The following KLF8 variants were observed in gnomAD, a reference collection of about 807,000 sequenced individuals.
KLF8 encodes the protein KLF transcription factor 8.
A neutral mutation model predicts 18.2 loss-of-function variants in KLF8; 10 were observed. That is an observed-to-expected ratio of 0.55 (90% CI 0.34 to 0.93). The LOEUF (loss-of-function observed/expected upper bound fraction) is 0.93, where lower values mean the gene tolerates loss of function less well. KLF8 is among the 40% of genes least tolerant of loss of function. The probability of loss-of-function intolerance (pLI) is 0.02; values close to 1 mark genes in which losing one functional copy is unlikely to be tolerated. For missense variants in KLF8, 264 were observed against 277.9 expected, an observed-to-expected ratio of 0.95 and a Z score of 0.36; for synonymous variants, 109 against 97.3, an observed-to-expected ratio of 1.12 and a Z score of -0.71.
At chrX:56,055,168 T>A in the KLF8 span, among the ~76,000 whole-genome samples, 4 of 112,181 alleles carry the variant, frequency 3.6e-5, no homozygotes, top group Admixed American at 9.5e-5. Flanking sequence ...TGCTTTATAT[T>A]GTTACTGGCC....
the KLF8 span, among the ~76,000 whole-genome samples, chrX:56,053,024 G>C: frequency 8.9e-6 from 1 of 111,786 alleles, no homozygotes; most frequent in African/African-American, 3.2e-5. Context: ...GGAGTGACCC[G>C]ATTTTCCAGG....
the KLF8 span, among the ~76,000 whole-genome samples, chrX:56,148,739 G>T: frequency 1.8e-5 from 2 of 111,406 alleles, no homozygotes; most frequent in Non-Finnish European, 3.8e-5. Context: ...GCAGGGGAAC[G>T]CCCCTTTATA....
the KLF8 span, among the ~76,000 whole-genome samples, chrX:56,186,275 A>C: frequency 9.0e-6 from 1 of 111,585 alleles, no homozygotes; most frequent in African/African-American, 3.3e-5. Flanking sequence ...AAAAGAGACA[A>C]AGAAGGCCAT....
intron 2 of KLF8, among the ~76,000 whole-genome samples, chrX:56,253,835 A>G (rs1461745570): frequency 1.6e-4 from 14 of 90,049 alleles, no homozygotes; most frequent in African/African-American, 5.5e-4. Context: ...ATCTTGGCTC[A>G]TTGCAACCTT....
At chrX:56,153,551 A>T in the KLF8 span, among the ~76,000 whole-genome samples, 3 of 111,324 alleles carry the variant, frequency 2.7e-5, no homozygotes, top group African/African-American at 9.8e-5. Context: ...AGGAGTAGCG[A>T]GAGAGGGCAT....
At chrX:56,187,867 C>T in the KLF8 span, among the ~76,000 whole-genome samples, 31 of 111,632 alleles carry the variant, frequency 2.8e-4, no homozygotes, top group Non-Finnish European at 4.5e-4. Context: ...ATTGACAGGA[C>T]GTATCTCAAA....
the KLF8 span, among the ~76,000 whole-genome samples, chrX:56,108,608 T>A: frequency 1.2e-3 from 138 of 112,130 alleles, no homozygotes; most frequent in African/African-American, 4.2e-3. Context: ...TGCTTAAAGT[T>A]TGATAATGTT....
rs1319202752 is a variant in KLF8 at position 56,253,545 on chromosome X, C to G, written c.81+3241C>G. 2.7e-5 allele frequency among the ~76,000 whole-genome samples: 3 copies of G among 110,071 alleles called. No individual in the cohort carries two copies. The Admixed American group carries it at 2.9e-4, about 11-fold the overall frequency. On this transcript the variant is annotated intron_variant, in intron 2 of 5. Transcript: ENST00000468660. ...AGATGTATGGCTTTATTTCTGGGTT[C>G]TCTATTTTGTTCCATTGCACTGTAT...
chrX:56,000,439 T>G, the KLF8 span, among the ~76,000 whole-genome samples: 1 of 91,957 alleles, frequency 1.1e-5, no homozygotes, highest in Admixed American at 1.3e-4. Context: ...TCTGGTAGAA[T>G]TCAGCTGTGG....
At chrX:56,207,236 T>G in the KLF8 span, among the ~76,000 whole-genome samples, 1 of 112,776 alleles carries the variant, frequency 8.9e-6, no homozygotes, top group African/African-American at 3.2e-5. Context: ...GTATTGGCAA[T>G]TAACATTTGG....
chrX:56,168,483 A>C, the KLF8 span, among the ~76,000 whole-genome samples: 1 of 112,428 alleles, frequency 8.9e-6, no homozygotes, highest in East Asian at 2.8e-4. Context: ...CCTTTTACAC[A>C]TAAACATAAA....
At chrX:56,140,635 A>G in the KLF8 span, among the ~76,000 whole-genome samples, 1 of 110,047 alleles carries the variant, frequency 9.1e-6, no homozygotes, top group Non-Finnish European at 1.9e-5. Flanking sequence ...TGAAGATCGA[A>G]AAACTGCTTA....
At chrX:55,985,139 T>A in the KLF8 span, among the ~76,000 whole-genome samples, 4 of 111,810 alleles carry the variant, frequency 3.6e-5, no homozygotes, top group Non-Finnish European at 7.5e-5. Context: ...TTAGATCTTA[T>A]TCATCAATTT....
At chrX:55,949,768 C>T in the KLF8 span, among the ~76,000 whole-genome samples, 1 of 106,081 alleles carries the variant, frequency 9.4e-6, no homozygotes, top group African/African-American at 3.5e-5. Context: ...TCCAGTCTGG[C>T]GACAGAGCGA....
the KLF8 span, among the ~76,000 whole-genome samples, chrX:56,155,048 G>A: frequency 4.2e-3 from 465 of 111,970 alleles, 4 homozygotes; most frequent in African/African-American, 0.014. Context: ...TCAGTGTGGG[G>A]ATTCCTCAGG....
At chrX:56,009,942 C>A in the KLF8 span, among the ~76,000 whole-genome samples, 11 of 111,899 alleles carry the variant, frequency 9.8e-5, no homozygotes, top group Non-Finnish European at 1.5e-4. Flanking sequence ...ACAAAACTTA[C>A]CAGAACTATT....
the KLF8 span, among the ~76,000 whole-genome samples, chrX:56,210,055 T>C: frequency 8.9e-6 from 1 of 112,231 alleles, no homozygotes; most frequent in African/African-American, 3.2e-5. Flanking sequence ...TTATTCTTTC[T>C]ACTTAAGGTA....
chrX:56,268,717 A>G (rs1215531957), intron 3 of KLF8: 1 of 779,761 alleles, frequency 1.3e-6, no homozygotes, highest in Non-Finnish European at 1.5e-6. Context: ...TTTCTTCTCT[A>G]TAGAAATTTT....
chrX:55,958,231 A>G, the KLF8 span, among the ~76,000 whole-genome samples: 1 of 111,885 alleles, frequency 8.9e-6, no homozygotes, highest in Non-Finnish European at 1.9e-5. Context: ...AATACCAGCC[A>G]TGGAATAGGA....
Sources: allele counts gnomAD v4.1 joint callset (sites outside exome capture counted in the v4.1 genomes callset), GRCh38; gene constraint gnomAD v4.1.1; transcripts MANE v1.5; gene names NCBI Gene and HGNC (gene_info 2026-07-23, HGNC 2026-07-21).